Variants in KIF13A observed in about 807,000 individuals in gnomAD.
KIF13A encodes kinesin family member 13A.
In KIF13A, 79 loss-of-function variants were observed where a neutral mutation model predicts 212.2. That is an observed-to-expected ratio of 0.37 (90% CI 0.31 to 0.45). The LOEUF (loss-of-function observed/expected upper bound fraction) is 0.45. Ranked by LOEUF, KIF13A falls within the 20% of genes least tolerant of loss-of-function variation. The probability of loss-of-function intolerance (pLI) is 1.00; values close to 1 mark genes in which losing one functional copy is unlikely to be tolerated. For synonymous variants in KIF13A, 789 were observed against 808.6 expected (o/e 0.98, Z 0.41); for missense variants, 1,901 against 2,209.0 (o/e 0.86, Z 2.79).
At chr6:17,847,750 G>T (rs1767219837) in intron 9 of KIF13A, among the ~76,000 whole-genome samples, 1 of 152,126 alleles carries the variant, frequency 6.6e-6, no homozygotes, top group Non-Finnish European at 1.5e-5. Context: ...TAAGTGCTAG[G>T]CATTTTTCTA....
intron 2 of KIF13A, among the ~76,000 whole-genome samples, chr6:17,955,397 A>C (rs1778267256): frequency 6.6e-6 from 1 of 152,192 alleles, no homozygotes; most frequent in African/African-American, 2.4e-5. Flanking sequence ...TGCTCCCTTG[A>C]GTAACTGATA....
In KIF13A at chr6:17,878,431, C is replaced by CT. The variant is rs536813179; in HGVS notation, c.160-4995dup. Among the ~76,000 whole-genome samples the CT allele has an allele frequency of 3.8e-3, 536 of 139,758 alleles. 2 individuals are homozygous for CT. The highest frequency in any genetic ancestry group is 8.3e-3 in the African/African-American group (312 of 37,676). 91.7% of individuals were successfully genotyped at this position (139,758 alleles called of 152,430 possible). A position where few individuals can be genotyped will look rare whatever the true frequency, so the allele number is the denominator to read the frequency against. On this transcript the variant is annotated intron_variant, in intron 3 of 38. Transcript: ENST00000259711. ...GTTAATTTTTCATGCCTACCTCTAA[C>CT]TTTTTTTTTTTTTTTCATTTTTGTT...
At chr6:17,903,997 A>T (rs1013105279) in intron 2 of KIF13A, among the ~76,000 whole-genome samples, 25 of 136,920 alleles carry the variant, frequency 1.8e-4, no homozygotes, top group Non-Finnish European at 3.7e-4. Context: ...TACTAAAAAT[A>T]AAAAAAAAAA....
At chr6:17,840,629 T>C (rs2150384852) in intron 9 of KIF13A, among the ~76,000 whole-genome samples, 1 of 152,146 alleles carries the variant, frequency 6.6e-6, no homozygotes, top group Admixed American at 6.5e-5. Flanking sequence ...CTCTACTTTG[T>C]GGCAACTACT....
At chr6:17,852,291 T>C (rs114065767) in intron 6 of KIF13A, among the ~76,000 whole-genome samples, 2,693 of 152,258 alleles carry the variant, frequency 0.018, 89 homozygotes, top group African/African-American at 0.061. Flanking sequence ...GTCACAAACC[T>C]TCCTGGGTTA....
chr6:17,855,576 G>A lies in KIF13A; in HGVS notation c.355C>T (p.Leu119=). ...SFSMMGHAEQ[L]GLIPRLCCAL... is the part of the protein sequence containing the mutation. ...CAGCAGAGCCTTGGAATAAGGCCCA[G>A]CTGCTCAGCATGGCCCATCATGGAA... The change falls in exon 6 of 39, where the codon CTG becomes TTG. Residue 119 remains leucine, a synonymous_variant. Coordinates refer to ENST00000259711, the MANE Select transcript of KIF13A (RefSeq NM_022113.6). This position sits in a 1 kb window ranked among gnomAD's most constrained non-coding sequence, Gnocchi z 4.1. The A allele has an allele frequency of 1.2e-6, 2 of 1,611,780 alleles. No individual in the cohort carries two copies. The highest frequency in any genetic ancestry group is 4.5e-5 in the East Asian group (2 of 44,862).
rs941544214 is a variant in KIF13A at position 17,947,931 on chromosome 6, T to C, written c.146+39123A>G. On this transcript the variant is annotated intron_variant, in intron 2 of 38. Transcript: ENST00000259711. The surrounding 1 kb of genome is among the most constrained non-coding windows in gnomAD (Gnocchi z 4.6). ...CTCAAAGAGTTCAAAAAATAAATTA[T>C]ATTTTTTCCACAAATATTTGATAAG... 3.9e-5 allele frequency among the ~76,000 whole-genome samples: 6 copies of C among 152,192 alleles called. No homozygotes were observed. The highest frequency in any genetic ancestry group is 8.8e-5 in the Non-Finnish European group (6 of 68,034).
intron 9 of KIF13A, among the ~76,000 whole-genome samples, chr6:17,844,726 C>G (rs1027669997): frequency 2.0e-5 from 3 of 152,172 alleles, no homozygotes; most frequent in African/African-American, 7.2e-5. Flanking sequence ...GGGTCTCTCA[C>G]ATTAAATGCA....
At chr6:17,889,794 G>T (rs1771879812) in intron 3 of KIF13A, among the ~76,000 whole-genome samples, 2 of 152,112 alleles carry the variant, frequency 1.3e-5, no homozygotes, top group Admixed American at 1.3e-4. Context: ...CCCCTGGACG[G>T]TTTAGCCAAT....
chr6:17,780,021 C>T (rs1760410987), intron 31 of KIF13A, among the ~76,000 whole-genome samples: 1 of 152,150 alleles, frequency 6.6e-6, no homozygotes, highest in Non-Finnish European at 1.5e-5. Context: ...GCTGGGACTA[C>T]AGGCGTGAGC....
In KIF13A at chr6:17,781,260, C is replaced by T; in HGVS notation, c.3586G>A (p.Ala1196Thr). 1 of 1,613,178 alleles carries T rather than the reference C, an allele frequency of 6.2e-7. No homozygotes were observed. The highest frequency in any genetic ancestry group is 8.5e-7 in the Non-Finnish European group (1 of 1,179,570). ...SANEQLVGPH[A>T]SGVNSILPKE... Reference sequence around the variant, plus strand: ...GGCAGGATGGAGTTCACGCCGGATGCATGGGGGCCAACAAGCTGCTCATTG... The same window carrying T: ...GGCAGGATGGAGTTCACGCCGGATGTATGGGGGCCAACAAGCTGCTCATTG... Residue 1196 changes from alanine (A) to threonine (T), a missense_variant, in exon 30 of 39, where the codon GCA becomes ACA. Physicochemically the swap from Ala to Thr is moderately conservative, Grantham distance 58. Coordinates refer to ENST00000259711, the MANE Select transcript of KIF13A (RefSeq NM_022113.6).
chr6:17,907,886 G>C (rs1773664413), intron 2 of KIF13A, among the ~76,000 whole-genome samples: 1 of 152,198 alleles, frequency 6.6e-6, no homozygotes, highest in South Asian at 2.1e-4. Flanking sequence ...CAGATGGTTT[G>C]CGCAATGGGA....
intron 2 of KIF13A, among the ~76,000 whole-genome samples, chr6:17,909,794 T>G (rs547563437): frequency 3.8e-4 from 57 of 151,878 alleles, no homozygotes; most frequent in Non-Finnish European, 6.5e-4. Context: ...CTTGGGAGGC[T>G]GAGGCAGGAG....
At chr6:17,814,153 T>A (rs189344976) in intron 17 of KIF13A, among the ~76,000 whole-genome samples, 69 of 151,212 alleles carry the variant, frequency 4.6e-4, no homozygotes, top group South Asian at 8.4e-4. Flanking sequence ...GGGTTTCACC[T>A]TGTTAGCCAG....
At chr6:17,851,923 CT>C in intron 7 of KIF13A, 31 bp downstream of exon 7, 1 of 1,182,874 alleles carries the variant, frequency 8.5e-7, no homozygotes, top group South Asian at 1.7e-5. Flanking sequence ...TTATAGTCAG[CT>C]TTTAATCACA....
rs1760045576 is a variant in KIF13A, at chr6:17,777,019, TA to T, written c.4170+257del. Among the ~76,000 whole-genome samples the T allele has an allele frequency of 6.6e-6, 1 of 152,188 alleles. No homozygotes were observed. The highest frequency in any genetic ancestry group is 2.1e-4 in the South Asian group (1 of 4,836). On this transcript the variant is annotated intron_variant, in intron 34 of 38. Transcript: ENST00000259711. This position sits in a 1 kb window ranked among gnomAD's most constrained non-coding sequence, Gnocchi z 4.4. The stretch of plus-strand genomic sequence containing the variant: ...GCTGACTCCACCATCTGTAACCAAC[TA>T]AACTCAATTTATATCTTAAGGAACT...
In KIF13A at chr6:17,855,806, T is replaced by G. The variant is rs1768084743; in HGVS notation, c.314-189A>C. Among the ~76,000 whole-genome samples the G allele has an allele frequency of 6.6e-6, 1 of 152,154 alleles. No homozygotes were observed. Among genetic ancestry groups the G allele is most frequent in the African/African-American group, 2.4e-5 (1 of 41,436 alleles). ...ATGGCTCACTACAGTCTCAAACTCC[T>G]GGGCTCAAGCCATCCTCCCACCTCA... On this transcript the variant is annotated intron_variant, in intron 5 of 38. Coordinates refer to ENST00000259711, the MANE Select transcript of KIF13A (RefSeq NM_022113.6). This position sits in a 1 kb window ranked among gnomAD's most constrained non-coding sequence, Gnocchi z 4.1.
Position 17,963,051 on chromosome 6 carries a change from A to C in KIF13A, c.146+24003T>G, listed in dbSNP as rs1371412790. ...ATATGATTATAATTACATAACCAGC[A>C]GGTCTAGTCATCAAATAATTTTGCT... On this transcript the variant is annotated intron_variant, in intron 2 of 38. Transcript: ENST00000259711. The surrounding 1 kb of genome is among the most constrained non-coding windows in gnomAD (Gnocchi z 4.1). Among the ~76,000 whole-genome samples the C allele has an allele frequency of 6.6e-6, 1 of 152,250 alleles. No individual in the cohort carries two copies. Among genetic ancestry groups the C allele is most frequent in the Non-Finnish European group, 1.5e-5 (1 of 68,052 alleles).
chr6:17,851,244 C>T (rs1767613031), intron 7 of KIF13A, among the ~76,000 whole-genome samples: 1 of 152,094 alleles, frequency 6.6e-6, no homozygotes, highest in Non-Finnish European at 1.5e-5. Context: ...CTATATATAC[C>T]TTGATTTAAA....
Sources: gnomAD v4.1 joint callset for allele counts (sites outside exome capture counted in the v4.1 genomes callset) on GRCh38, gnomAD v4.1.1 for gene constraint, Gnocchi (gnomAD v3.1) non-coding constraint, MANE v1.5 for transcripts, NCBI Gene and HGNC (gene_info 2026-07-23, HGNC 2026-07-21) for gene names.